The following UVSSA variants were observed in gnomAD, a reference collection of about 807,000 sequenced individuals.
UVSSA encodes UV stimulated scaffold protein A.
In UVSSA, 72 loss-of-function variants were observed where a neutral mutation model predicts 73.9. The observed-to-expected ratio is 0.97, with a 90% confidence interval of 0.81 to 1.19. The LOEUF (loss-of-function observed/expected upper bound fraction) is 1.19. Ranked by LOEUF, UVSSA falls within the 50% of genes most tolerant of loss-of-function variation. UVSSA has a pLI of 0.00. For missense variants in UVSSA, 1,150 were observed against 965.0 expected (o/e 1.19, Z -2.54); for synonymous variants, 454 against 391.3 (o/e 1.16, Z -1.89).
chr4:1,348,254 C>A, intron 2 of UVSSA, 65 bp downstream of exon 2: 3 of 1,288,846 alleles, frequency 2.3e-6, no homozygotes, highest in Non-Finnish European at 3.4e-6. Context: ...ACACAGGGCC[C>A]TGCCCTCCTG....
At chr4:1,367,238 C>T (rs1717453633) in intron 8 of UVSSA, among the ~76,000 whole-genome samples, 1 of 152,176 alleles carries the variant, frequency 6.6e-6, no homozygotes, top group Admixed American at 6.5e-5. Flanking sequence ...TCCAGTGACA[C>T]ACCCAGGATT....
Position 1,353,412 on chromosome 4 carries a change from A to T in UVSSA, c.933A>T (p.Ser311=). ...ACACGCTGGATGTGGAGCTCTGCTC[A>T]GGTAACTGCCTTCGCGGGGTCTCTG... ...HKYTLDVELC[S]EGLKVQENED... The change falls in exon 5 of 14, where the codon TCA becomes TCT. Residue 311 remains serine (S), a splice_region_variant and synonymous_variant. Transcript: ENST00000389851. 6.5e-7 allele frequency: 1 copy of T among 1,531,446 alleles called. No homozygotes were observed. Among genetic ancestry groups the T allele is most frequent in the Non-Finnish European group, 8.8e-7 (1 of 1,136,882 alleles). The allele number at this position is 1,531,446 out of a possible 1,614,324, so 94.9% of individuals were successfully genotyped here.
chr4:1,346,294 G>A (rs143259196), upstream of UVSSA, among the ~76,000 whole-genome samples: 2,232 of 152,248 alleles, frequency 0.015, 68 homozygotes, highest in African/African-American at 0.051. Context: ...GCCCGCCGCC[G>A]GCGGCCCCCG....
chr4:1,373,384 T>A (rs1245757355), intron 8 of UVSSA, among the ~76,000 whole-genome samples: 2 of 152,152 alleles, frequency 1.3e-5, no homozygotes, highest in Non-Finnish European at 2.9e-5. Context: ...TGCTTTATAT[T>A]CGTTGGCAGC....
At chr4:1,394,255 C>A in exon 14 of UVSSA, 1 of 724,652 alleles carries the variant, frequency 1.4e-6, no homozygotes, top group Non-Finnish European at 2.2e-6. Flanking sequence ...GCATCTCGTT[C>A]CTCAGATCTT....
At chr4:1,348,352 T>A (rs888361586) in intron 2 of UVSSA, among the ~76,000 whole-genome samples, 163 bp downstream of exon 2, 4 of 152,238 alleles carry the variant, frequency 2.6e-5, no homozygotes, top group African/African-American at 9.6e-5. Context: ...GGTGGTCATG[T>A]TCTGGGGTCG....
chr4:1,348,254 C>G, intron 2 of UVSSA, 65 bp downstream of exon 2: 1 of 1,288,846 alleles, frequency 7.8e-7, no homozygotes, highest in South Asian at 1.2e-5. Context: ...ACACAGGGCC[C>G]TGCCCTCCTG....
intron 10 of UVSSA, among the ~76,000 whole-genome samples, chr4:1,378,762 C>G (rs541945121): frequency 2.2e-4 from 34 of 152,324 alleles, no homozygotes; most frequent in African/African-American, 7.9e-4. Flanking sequence ...CAGCAGGAAG[C>G]ATTTGGCCGG....
chr4:1,355,894 C>T lies in UVSSA; in HGVS notation c.1176+649C>T, dbSNP rs79246599. ...CGGAGCCGTTCGAGGGTGGGGGTGC[C>T]CAGCACACTGCTGTGCCAGGGACCT... On this transcript the variant is annotated intron_variant, in intron 7 of 13. Transcript: ENST00000389851. 6.9e-3 allele frequency among the ~76,000 whole-genome samples: 1,053 copies of T among 152,202 alleles called. 21 individuals carry two copies. Among genetic ancestry groups the T allele is most frequent in the African/African-American group, 0.024 (991 of 41,512 alleles).
intron 8 of UVSSA, among the ~76,000 whole-genome samples, chr4:1,371,774 T>C (rs1240621045): frequency 6.6e-6 from 1 of 152,046 alleles, no homozygotes; most frequent in African/African-American, 2.4e-5. Context: ...CCACCACGTG[T>C]GGGAATTATG....
At chr4:1,354,702 G>A (rs764264408) in intron 5 of UVSSA, 33 bp from the exon 6 acceptor site, 29 of 1,597,086 alleles carry the variant, frequency 1.8e-5, no homozygotes, top group Non-Finnish European at 2.2e-5. Flanking sequence ...GCCAGTCGGC[G>A]CCCTCTTGTG....
chr4:1,394,491 C>G, exon 14 of UVSSA: 1 of 1,614,066 alleles, frequency 6.2e-7, no homozygotes, highest in South Asian at 1.1e-5. Context: ...AAATAGCTGT[C>G]CAGGTGTCCC....
At chr4:1,366,508 CCT>C in intron 8 of UVSSA, 77 bp downstream of exon 8, 1 of 1,104,836 alleles carries the variant, frequency 9.1e-7, no homozygotes. Flanking sequence ...GGGGTCATGA[CCT>C]CAGGGGCAGG....
At position 1,376,131 on chromosome 4, in the gene UVSSA, T is replaced by TG; in HGVS notation, c.1535dup (p.Gln513ProfsTer13). The TG allele has an allele frequency of 6.2e-7, 1 of 1,610,380 alleles. No homozygotes were observed. Among genetic ancestry groups the TG allele is most frequent in the Non-Finnish European group, 8.5e-7 (1 of 1,178,896 alleles). On this transcript the variant is annotated frameshift_variant, in exon 10 of 14. Coordinates refer to ENST00000389851, the MANE Select transcript of UVSSA (RefSeq NM_020894.4). LOFTEE classifies it high-confidence loss of function. ...GCCCTACGGCGTGGACCTGCACTACTGGGGCCAGGAGCTCCCCACAGCCGG... is the reference window on the plus strand; with the variant it reads ...GCCCTACGGCGTGGACCTGCACTACTGGGGGCCAGGAGCTCCCCACAGCCGG...
chr4:1,374,959 A>G, intron 8 of UVSSA: 1 of 203,332 alleles, frequency 4.9e-6, no homozygotes, highest in Non-Finnish European at 1.0e-5. Flanking sequence ...GGAGGGCTCC[A>G]GGCTGCCTAC....
intron 8 of UVSSA, 83 bp downstream of exon 8, chr4:1,366,514 G>C (rs1717351102): frequency 2.0e-6 from 2 of 1,024,146 alleles, no homozygotes; most frequent in Middle Eastern, 2.4e-4. Context: ...ATGACCTCAG[G>C]GGCAGGGCCT....
At chr4:1,389,346 C>G (rs1012046268), downstream of UVSSA, 2 of 152,170 alleles carry the variant, frequency 1.3e-5, no homozygotes, top group African/African-American at 4.8e-5. Context: ...CAGGCATGCA[C>G]CACCACATTC....
At chr4:1,383,605 G>A (rs958741576) in intron 12 of UVSSA, among the ~76,000 whole-genome samples, 161 bp from the exon 13 acceptor site, 6 of 152,186 alleles carry the variant, frequency 3.9e-5, no homozygotes, top group South Asian at 2.1e-4. Context: ...AACCCTAACC[G>A]CTGAGCATCC....
chr4:1,376,831 T>C (rs1326500528), intron 10 of UVSSA, among the ~76,000 whole-genome samples: 1 of 152,094 alleles, frequency 6.6e-6, no homozygotes, highest in African/African-American at 2.4e-5. Context: ...CGCAGGACGG[T>C]TCTCCACACC....
Sources: gnomAD v4.1 joint callset for allele counts (sites outside exome capture counted in the v4.1 genomes callset) on GRCh38, gnomAD v4.1.1 for gene constraint, MANE v1.5 for transcripts, NCBI Gene and HGNC (gene_info 2026-07-23, HGNC 2026-07-21) for gene names.